The following CEP112 variants were observed in gnomAD, a reference collection of about 807,000 sequenced individuals.
The protein encoded by CEP112 is centrosomal protein of 112 kDa.
CEP112 carries 127 observed loss-of-function variants against 153.0 expected under a neutral mutation model. The observed-to-expected ratio is 0.83, with a 90% CI of 0.72 to 0.96. CEP112 has a LOEUF of 0.96. Ranked by LOEUF, CEP112 falls within the 40% of genes least tolerant of loss-of-function variation. CEP112 has a pLI of 0.00. For missense variants in CEP112, 1,089 were observed against 1,101.2 expected (o/e 0.99, Z 0.16); for synonymous variants, 358 against 374.4 (o/e 0.96, Z 0.51).
At chr17:65,813,403 G>A (rs1048253691) in intron 21 of CEP112, among the ~76,000 whole-genome samples, 1 of 152,172 alleles carries the variant, frequency 6.6e-6, no homozygotes, top group Non-Finnish European at 1.5e-5. Context: ...GAGGAATGTG[G>A]CAACAAGCAT....
chr17:66,114,325 A>G (rs2069186646), intron 6 of CEP112, among the ~76,000 whole-genome samples: 1 of 152,056 alleles, frequency 6.6e-6, no homozygotes, highest in Non-Finnish European at 1.5e-5. Context: ...TTTTCTGTCC[A>G]CTTGTTTTTT....
intron 20 of CEP112, among the ~76,000 whole-genome samples, chr17:65,859,383 T>G (rs1250645283): frequency 1.4e-5 from 2 of 144,166 alleles, no homozygotes; most frequent in Admixed American, 7.2e-5. Flanking sequence ...GAGGTTGTAG[T>G]GAGCTGAGAT....
In CEP112 at chr17:65,970,404, ACAT is replaced by A. The variant is rs1282332401; in HGVS notation, c.1737-8809_1737-8807del. Among the ~76,000 whole-genome samples, 10 of 138,772 alleles carry A rather than the reference ACAT, an allele frequency of 7.2e-5. 1 individual carries two copies. The highest frequency in any genetic ancestry group is 3.7e-3 in the Middle Eastern group (1 of 270). The allele number at this position is 138,772 out of a possible 152,430, so 91.0% of individuals were successfully genotyped here. On this transcript the variant is annotated intron_variant, in intron 17 of 26. Coordinates refer to ENST00000535342, the MANE Select transcript of CEP112 (RefSeq NM_001199165.4). ...ATGCATATATATTACATGCATGCAC[ACAT>A]CATGCATGTATATTACATGCATGCA...
intron 8 of CEP112, among the ~76,000 whole-genome samples, chr17:66,079,874 T>C (rs1473354706): frequency 6.6e-6 from 1 of 152,024 alleles, no homozygotes; most frequent in East Asian, 1.9e-4. Flanking sequence ...AACCATCTGA[T>C]CTTTGACAAA....
At chr17:66,135,387 G>A (rs2070389147) in intron 4 of CEP112, among the ~76,000 whole-genome samples, 1 of 152,148 alleles carries the variant, frequency 6.6e-6, no homozygotes. Flanking sequence ...TGGCACTAGT[G>A]GTCTGAGTGA....
intron 24 of CEP112, among the ~76,000 whole-genome samples, chr17:65,641,469 T>G (rs2045129468): frequency 6.6e-6 from 1 of 152,144 alleles, no homozygotes; most frequent in Admixed American, 6.5e-5. Context: ...TCTGCTTTGA[T>G]GAAAATACTC....
intron 20 of CEP112, among the ~76,000 whole-genome samples, chr17:65,857,720 T>A (rs2058172986): frequency 6.6e-6 from 1 of 152,166 alleles, no homozygotes; most frequent in Non-Finnish European, 1.5e-5. Context: ...TTTTGGACTC[T>A]CCTTGGCATA....
chr17:65,669,969 C>T (rs553776232), intron 24 of CEP112, among the ~76,000 whole-genome samples: 17 of 151,606 alleles, frequency 1.1e-4, no homozygotes, highest in African/African-American at 4.1e-4. Context: ...GCAAATTAAC[C>T]TTGGGAATCT....
At chr17:65,733,681 T>C (rs539573403) in intron 23 of CEP112, among the ~76,000 whole-genome samples, 1 of 152,304 alleles carries the variant, frequency 6.6e-6, no homozygotes, top group African/African-American at 2.4e-5. Context: ...AAAAATAAAA[T>C]GACATGAGAA....
intron 10 of CEP112, among the ~76,000 whole-genome samples, chr17:66,065,543 T>C (rs1478987201): frequency 6.6e-6 from 1 of 152,096 alleles, no homozygotes; most frequent in Non-Finnish European, 1.5e-5. Flanking sequence ...ATCCAGCATC[T>C]ACAGGACAAA....
At chr17:65,751,293 G>A (rs7223989) in intron 21 of CEP112, among the ~76,000 whole-genome samples, 38 of 152,256 alleles carry the variant, frequency 2.5e-4, no homozygotes, top group African/African-American at 8.4e-4. Context: ...AAATAGGGTG[G>A]CCTTTCCACA....
chr17:65,937,567 G>T (rs1599075103), intron 18 of CEP112, among the ~76,000 whole-genome samples: 8 of 48,302 alleles, frequency 1.7e-4, no homozygotes, highest in East Asian at 2.4e-3. Flanking sequence ...GGAGGGAGGT[G>T]GGGGGGGTCA....
intron 21 of CEP112, among the ~76,000 whole-genome samples, chr17:65,756,150 T>C (rs553984491): frequency 2.0e-5 from 3 of 152,272 alleles, no homozygotes; most frequent in Non-Finnish European, 4.4e-5. Flanking sequence ...ATGCCTGTAA[T>C]CCCAGCACTC....
At chr17:65,836,837 C>A (rs2146179163) in intron 21 of CEP112, among the ~76,000 whole-genome samples, 1 of 151,506 alleles carries the variant, frequency 6.6e-6, no homozygotes, top group African/African-American at 2.4e-5. Context: ...CCCTCCCCCT[C>A]CCCCTCTGAT....
chr17:66,035,255 A>C (rs1341317679), intron 12 of CEP112, among the ~76,000 whole-genome samples: 1 of 151,982 alleles, frequency 6.6e-6, no homozygotes, highest in East Asian at 1.9e-4. Context: ...GTTCAAAAGG[A>C]GCAGAACTAT....
intron 19 of CEP112, among the ~76,000 whole-genome samples, chr17:65,907,762 T>G (rs9906405): frequency 0.18 from 26,853 of 152,210 alleles, 2,541 homozygotes; most frequent in Admixed American, 0.28. Context: ...GTTTTACTGG[T>G]GCCTAGCCCC....
At chr17:66,000,734 T>C (rs2064004855) in intron 17 of CEP112, among the ~76,000 whole-genome samples, 2 of 152,152 alleles carry the variant, frequency 1.3e-5, no homozygotes, top group African/African-American at 4.8e-5. Context: ...GGAAACAGCA[T>C]GTCTGGCTGA....
rs535137443 is a variant in CEP112, at chr17:65,991,222, A to C, written c.1736+14468T>G. ...AGCAATTTCTGGTTACTTTTAATCG[A>C]ACTTTGATATAATTCATTGAATTCT... On this transcript the variant is annotated intron_variant, in intron 17 of 26. Coordinates refer to ENST00000535342, the MANE Select transcript of CEP112 (RefSeq NM_001199165.4). Among the ~76,000 whole-genome samples, 5 of 152,332 alleles carry C rather than the reference A, an allele frequency of 3.3e-5. No individual in the cohort carries two copies. The East Asian group carries it at 9.7e-4, about 29-fold the overall frequency.
chr17:65,699,962 CACA>C (rs1388063322), intron 23 of CEP112, among the ~76,000 whole-genome samples: 1 of 152,124 alleles, frequency 6.6e-6, no homozygotes, highest in African/African-American at 2.4e-5. Context: ...TGGCCTTTTC[CACA>C]ACTCTATTCT....
Sources: gnomAD v4.1 joint callset for allele counts (sites outside exome capture counted in the v4.1 genomes callset) on GRCh38, gnomAD v4.1.1 for gene constraint, MANE v1.5 for transcripts, NCBI Gene and HGNC (gene_info 2026-07-23, HGNC 2026-07-21) for gene names.